ZNF451: variants seen among roughly 807,000 people sequenced by gnomAD.
ZNF451 encodes the protein zinc finger protein 451.
A neutral mutation model predicts 107.1 loss-of-function variants in ZNF451; 80 were observed. The ratio of observed to expected loss-of-function variants is 0.75; its 90% CI spans 0.62 to 0.90. The LOEUF (loss-of-function observed/expected upper bound fraction) is 0.90, where lower values mean the gene tolerates loss of function less well. Among genes scored for constraint, ZNF451 ranks in the 40% least tolerant of loss-of-function variants. The pLI, the probability that ZNF451 is intolerant of heterozygous loss-of-function variation, is 0.00. For synonymous variants in ZNF451, 362 were observed against 406.5 expected (o/e 0.89, Z 1.32); for missense variants, 1,107 against 1,236.2 (o/e 0.90, Z 1.57).
At chr6:57,106,135 TG>T (rs1829842315) in intron 3 of ZNF451, 21 of 985,352 alleles carry the variant, frequency 2.1e-5, no homozygotes, top group Non-Finnish European at 2.5e-5. Flanking sequence ...ACAAGGAGGT[TG>T]AAAAAGACAC....
At chr6:57,156,479 C>T (rs978598093) in intron 13 of ZNF451, among the ~76,000 whole-genome samples, 2 of 152,124 alleles carry the variant, frequency 1.3e-5, no homozygotes, top group African/African-American at 4.8e-5. Flanking sequence ...CAGATAACTC[C>T]TTGCACATAG....
At chr6:57,131,358 C>G (rs1026930029) in intron 5 of ZNF451, among the ~76,000 whole-genome samples, 3 of 152,056 alleles carry the variant, frequency 2.0e-5, no homozygotes, top group African/African-American at 7.2e-5. Flanking sequence ...GAAGCCTCCC[C>G]ACCCCTCCAC....
chr6:57,138,489 C>T (rs1330319400), intron 7 of ZNF451, among the ~76,000 whole-genome samples: 1 of 151,454 alleles, frequency 6.6e-6, no homozygotes, highest in Non-Finnish European at 1.5e-5. Context: ...GTCTCGAGCT[C>T]CTGACCTTGT....
intron 3 of ZNF451, chr6:57,102,107 A>G: frequency 6.7e-7 from 1 of 1,485,096 alleles, no homozygotes; most frequent in Non-Finnish European, 8.9e-7. Context: ...TAACCTGTTT[A>G]ATGTTCAGCA....
In ZNF451 at chr6:57,148,694, G is replaced by A. The variant is rs1313176849; in HGVS notation, c.2608+1G>A. ...AATGACCTAAGCTATCAGAATATAG[G>A]TATGGCTTTATAGCTCTATGCAAAT... On this transcript the variant is annotated splice_donor_variant, in intron 10 of 14. Coordinates refer to ENST00000370706, the MANE Select transcript of ZNF451 (RefSeq NM_001031623.3). LOFTEE classifies it high-confidence loss of function. 2 of 1,595,348 alleles carry A rather than the reference G, an allele frequency of 1.3e-6. No individual in the cohort carries two copies. Among genetic ancestry groups the A allele is most frequent in the Non-Finnish European group, 1.7e-6 (2 of 1,171,878 alleles).
In ZNF451 at chr6:57,168,526, CTT is replaced by C. The variant is rs2127990630; in HGVS notation, c.*58_*59del. On this transcript the variant is annotated 3_prime_UTR_variant, in exon 15 of 15. Coordinates refer to ENST00000370706, the MANE Select transcript of ZNF451 (RefSeq NM_001031623.3). ...CTTGAAGAGACTGAGATAACGAATTCTTGAGTTTGTTTTCTAAAGGAGACCAG... is the reference window on the plus strand; with the variant it reads ...CTTGAAGAGACTGAGATAACGAATTCGAGTTTGTTTTCTAAAGGAGACCAG... 1 of 1,404,814 alleles carries C rather than the reference CTT, an allele frequency of 7.1e-7. No homozygotes were observed. Among genetic ancestry groups the C allele is most frequent in the East Asian group, 2.3e-5 (1 of 43,116 alleles). 87.0% of individuals were successfully genotyped at this position (1,404,814 alleles called of 1,614,324 possible).
At chr6:57,156,940 G>A (rs1035536752) in intron 13 of ZNF451, among the ~76,000 whole-genome samples, 33 of 152,322 alleles carry the variant, frequency 2.2e-4, no homozygotes, top group African/African-American at 7.7e-4. Flanking sequence ...AGGAGGAGGA[G>A]CTTAGGTGGT....
intron 4 of ZNF451, chr6:57,126,391 G>A (rs1830929596): frequency 6.6e-6 from 1 of 151,614 alleles, no homozygotes; most frequent in Non-Finnish European, 1.5e-5. Context: ...AAAAGTAGAT[G>A]ACAAAACAAC....
intron 5 of ZNF451, among the ~76,000 whole-genome samples, chr6:57,129,231 T>C (rs572071791): frequency 4.2e-4 from 64 of 152,286 alleles, no homozygotes; most frequent in Non-Finnish European, 8.5e-4. Context: ...GTTTATTTAT[T>C]TATTCATCAG....
At chr6:57,096,188 T>C (rs1196828976) in intron 2 of ZNF451, among the ~76,000 whole-genome samples, 1 of 136,092 alleles carries the variant, frequency 7.3e-6, no homozygotes, top group East Asian at 2.1e-4. Flanking sequence ...TTTTTTTTTT[T>C]TTTTTTTTTT....
At chr6:57,105,083 C>T in intron 3 of ZNF451, 4 of 985,312 alleles carry the variant, frequency 4.1e-6, no homozygotes, top group Non-Finnish European at 4.8e-6. Flanking sequence ...AGGGAGATTA[C>T]CCCAATAGAA....
intron 2 of ZNF451, among the ~76,000 whole-genome samples, chr6:57,094,762 G>GA (rs1302769868): frequency 6.6e-6 from 1 of 151,944 alleles, no homozygotes; most frequent in African/African-American, 2.4e-5. Flanking sequence ...TCTTAAGGAA[G>GA]AAAAAATGTG....
chr6:57,160,475 A>G (rs1763623812), intron 13 of ZNF451, among the ~76,000 whole-genome samples: 1 of 152,072 alleles, frequency 6.6e-6, no homozygotes, highest in South Asian at 2.1e-4. Context: ...CTGGGACTAT[A>G]GGTGCGCACC....
In ZNF451 at chr6:57,167,072, A is replaced by C. The variant is rs544589702; in HGVS notation, c.3140-1351A>C. 3.2e-4 allele frequency among the ~76,000 whole-genome samples: 48 copies of C among 152,292 alleles called. 1 individual carries two copies. The South Asian group carries it at 9.7e-3, about 31-fold the overall frequency. On this transcript the variant is annotated intron_variant, in intron 14 of 14. Transcript: ENST00000370706. ...TTTATGATTTTTTTACTTTATAAGG[A>C]TGTGAAAGCAATATGCATTTAGTAT...
intron 13 of ZNF451, 50 bp downstream of exon 13, chr6:57,154,097 C>G: frequency 6.3e-7 from 1 of 1,592,400 alleles, no homozygotes; most frequent in Non-Finnish European, 8.6e-7. Context: ...GGAGACTTCA[C>G]TGCTGAGAGA....
intron 3 of ZNF451, chr6:57,100,515 T>C: frequency 1.5e-6 from 2 of 1,365,004 alleles, no homozygotes; most frequent in Non-Finnish European, 1.9e-6. Flanking sequence ...TTCTACTTAC[T>C]GGACATGAAT....
At chr6:57,111,023 GA>G (rs1446993071) in intron 3 of ZNF451, among the ~76,000 whole-genome samples, 1 of 151,568 alleles carries the variant, frequency 6.6e-6, no homozygotes, top group Non-Finnish European at 1.5e-5. Flanking sequence ...AGGTTCAAGC[GA>G]TTCTCCTGCC....
At chr6:57,161,886 C>T (rs1301136739) in intron 14 of ZNF451, among the ~76,000 whole-genome samples, 1 of 152,136 alleles carries the variant, frequency 6.6e-6, no homozygotes, top group Admixed American at 6.5e-5. Flanking sequence ...CTCTTTTACT[C>T]TTCTTAAAGG....
intron 3 of ZNF451, among the ~76,000 whole-genome samples, chr6:57,100,206 C>G (rs969497201): frequency 1.3e-5 from 2 of 152,046 alleles, no homozygotes; most frequent in Non-Finnish European, 1.5e-5. Context: ...TTCTCTTTGC[C>G]ATCATTAGCT....
Sources: allele counts gnomAD v4.1 joint callset (sites outside exome capture counted in the v4.1 genomes callset), GRCh38; gene constraint gnomAD v4.1.1; transcripts MANE v1.5; gene names NCBI Gene and HGNC (gene_info 2026-07-23, HGNC 2026-07-21).